The following FBLN1 variants were observed in gnomAD, a reference collection of about 807,000 sequenced individuals.
FBLN1 encodes fibulin 1.
In FBLN1, 34 loss-of-function variants were observed where a neutral mutation model predicts 89.7. The observed-to-expected ratio is 0.38, with a 90% CI of 0.29 to 0.50. The LOEUF (loss-of-function observed/expected upper bound fraction) is 0.50, where lower values mean the gene tolerates loss of function less well. Among genes scored for constraint, FBLN1 ranks in the 20% least tolerant of loss-of-function variants. The probability of loss-of-function intolerance (pLI) is 0.92; values close to 1 mark genes in which losing one functional copy is unlikely to be tolerated. For synonymous variants in FBLN1, 393 were observed against 391.3 expected (o/e 1.00, Z -0.05); for missense variants, 777 against 988.1 (o/e 0.79, Z 2.86).
intron 16 of FBLN1, among the ~76,000 whole-genome samples, chr22:45,592,913 T>C (rs1414317240): frequency 6.6e-6 from 1 of 152,222 alleles, no homozygotes; most frequent in African/African-American, 2.4e-5. Flanking sequence ...TGAGATATTG[T>C]GCAGTCTCTT....
At position 45,562,211 on chromosome 22, in the gene FBLN1, A is replaced by G. The variant is rs1224706927; in HGVS notation, c.1697+11596A>G. On this transcript the variant is annotated intron_variant, in intron 14 of 16. Transcript: ENST00000327858. The surrounding 1 kb of genome is among the most constrained non-coding windows in gnomAD (Gnocchi z 7.8). Reference sequence around the variant, plus strand: ...ACCTGTCTCTGTTTCTATCACAGGAAGTTGGGATCTGGCCCTGTGGACCCA... The same window carrying G: ...ACCTGTCTCTGTTTCTATCACAGGAGGTTGGGATCTGGCCCTGTGGACCCA... Among the ~76,000 whole-genome samples the G allele has an allele frequency of 6.6e-6, 1 of 152,148 alleles. No homozygotes were observed. Among genetic ancestry groups the G allele is most frequent in the Admixed American group, 6.5e-5 (1 of 15,274 alleles).
Position 45,502,958 on chromosome 22 carries a change from G to T in FBLN1, c.-28G>T. 1.9e-6 allele frequency: 2 copies of T among 1,064,958 alleles called. No individual in the cohort carries two copies. Among genetic ancestry groups the T allele is most frequent in the Non-Finnish European group, 2.3e-6 (2 of 870,708 alleles). The allele number at this position is 1,064,958 out of a possible 1,614,324, so 66.0% of individuals were successfully genotyped here. On this transcript the variant is annotated 5_prime_UTR_variant, in exon 1 of 17. Coordinates refer to ENST00000327858, the MANE Select transcript of FBLN1 (RefSeq NM_006486.3). ...GACCGCGCCCGCGCCTTTGTCCGCC[G>T]CCGCCCACCGCCCGTCGCCCGCCGC...
chr22:45,510,752 A>T (rs1021287014), intron 1 of FBLN1, among the ~76,000 whole-genome samples: 8 of 152,110 alleles, frequency 5.3e-5, no homozygotes, highest in African/African-American at 1.9e-4. Flanking sequence ...CCCGCAGGCC[A>T]TGTGACCTGT....
intron 1 of FBLN1, among the ~76,000 whole-genome samples, chr22:45,509,203 C>A (rs2088065614): frequency 6.6e-6 from 1 of 152,062 alleles, no homozygotes; most frequent in Non-Finnish European, 1.5e-5. Flanking sequence ...CCAGGAGGCC[C>A]TTGGAGCAGG....
At chr22:45,541,547 C>G (rs1425669802) in intron 9 of FBLN1, among the ~76,000 whole-genome samples, 175 bp downstream of exon 9, 1 of 152,224 alleles carries the variant, frequency 6.6e-6, no homozygotes, top group Non-Finnish European at 1.5e-5. Context: ...GACTGGTGCA[C>G]CAGCCCGTCT....
chr22:45,509,726 G>A (rs1039961434), intron 1 of FBLN1, among the ~76,000 whole-genome samples: 1 of 152,110 alleles, frequency 6.6e-6, no homozygotes, highest in African/African-American at 2.4e-5. Flanking sequence ...GGTGCAGGTG[G>A]GGGTTGGGTG....
intron 12 of FBLN1, among the ~76,000 whole-genome samples, 182 bp downstream of exon 12, chr22:45,547,386 GTTTTT>G (rs5845717): frequency 3.7e-5 from 2 of 53,676 alleles, no homozygotes; most frequent in African/African-American, 6.4e-5. Flanking sequence ...TCCAACTGAG[GTTTTT>G]TTTTTTTTTT....
intron 2 of FBLN1, chr22:45,523,338 G>T: frequency 1.9e-6 from 1 of 527,622 alleles, no homozygotes; most frequent in South Asian, 3.0e-5. Context: ...TTGGGGGTGA[G>T]CCTGAGGCAG....
At chr22:45,513,896 C>T (rs2088134954) in intron 1 of FBLN1, among the ~76,000 whole-genome samples, 1 of 151,976 alleles carries the variant, frequency 6.6e-6, no homozygotes, top group Non-Finnish European at 1.5e-5. Flanking sequence ...CAGGTTCAAG[C>T]GATTCTTCTG....
intron 1 of FBLN1, among the ~76,000 whole-genome samples, chr22:45,505,481 C>T (rs2088006651): frequency 6.6e-6 from 1 of 152,228 alleles, no homozygotes; most frequent in Non-Finnish European, 1.5e-5. Context: ...CTGGCTCACG[C>T]CCCGCTCCTG....
At position 45,541,224 on chromosome 22, in the gene FBLN1, T is replaced by C. The variant is rs188066706; in HGVS notation, c.923-5T>C. 6.8e-6 allele frequency: 11 copies of C among 1,614,242 alleles called. No individual in the cohort carries two copies. The highest frequency in any genetic ancestry group is 2.2e-5 in the East Asian group (1 of 44,884). On this transcript the variant is annotated splice_region_variant and splice_polypyrimidine_tract_variant and intron_variant, in intron 8 of 16. Transcript: ENST00000327858. ...CCACATGGTCTCTGTCTTTTCCCGC[T>C]GTAGATATCAATGAGTGTTTGAGTA...
chr22:45,533,595 C>T (rs1258848576), intron 6 of FBLN1, among the ~76,000 whole-genome samples, 166 bp from the exon 7 acceptor site: 2 of 152,204 alleles, frequency 1.3e-5, no homozygotes, highest in Non-Finnish European at 2.9e-5. Context: ...TCACTGCTTT[C>T]GACTCCGTGC....
intron 16 of FBLN1, among the ~76,000 whole-genome samples, chr22:45,596,019 C>CCG (rs2089182257): frequency 1.3e-5 from 2 of 152,104 alleles, no homozygotes; most frequent in Admixed American, 1.3e-4. Flanking sequence ...GCAGGCGTGT[C>CCG]CCACCACGCT....
Position 45,590,619 on chromosome 22 carries a change from T to G in FBLN1, c.1973-9688T>G, listed in dbSNP as rs906927417. ...GTGAAAAGGAAGGTGGTACACGTGT[T>G]CAGGTAGATGCGACGAGGCCGGAAC... On this transcript the variant is annotated intron_variant, in intron 16 of 16. Transcript: ENST00000327858. The surrounding 1 kb of genome is among the most constrained non-coding windows in gnomAD (Gnocchi z 4.1). 6.6e-6 allele frequency among the ~76,000 whole-genome samples: 1 copy of G among 152,086 alleles called. No individual in the cohort carries two copies. The highest frequency in any genetic ancestry group is 6.6e-5 in the Admixed American group (1 of 15,264).
intron 4 of FBLN1, among the ~76,000 whole-genome samples, chr22:45,528,346 CTT>C (rs527926411): frequency 2.6e-4 from 39 of 147,880 alleles, no homozygotes; most frequent in African/African-American, 8.6e-4. Context: ...ATGTTAATCT[CTT>C]TTTTTTTTTG....
rs2088788534 is a variant in FBLN1 at position 45,556,389 on chromosome 22, T to G, written c.1697+5774T>G. ...CTCGTAGCTGGTATTGATGACTGCC[T>G]TCTTCTACTACCCATTCTGTATTCC... On this transcript the variant is annotated intron_variant, in intron 14 of 16. Transcript: ENST00000327858. The surrounding 1 kb of genome is among the most constrained non-coding windows in gnomAD (Gnocchi z 4.6). Among the ~76,000 whole-genome samples, 2 of 151,962 alleles carry G rather than the reference T, an allele frequency of 1.3e-5. No homozygotes were observed. Among genetic ancestry groups the G allele is most frequent in the Admixed American group, 1.3e-4 (2 of 15,260 alleles).
At chr22:45,565,079 C>T in intron 14 of FBLN1, 1 of 1,599,108 alleles carries the variant, frequency 6.3e-7, no homozygotes, top group South Asian at 1.1e-5. Flanking sequence ...AGCCCTTTTC[C>T]CCACGGCCCT....
intron 1 of FBLN1, among the ~76,000 whole-genome samples, chr22:45,509,228 A>G (rs1240179101): frequency 1.3e-5 from 2 of 152,074 alleles, no homozygotes; most frequent in African/African-American, 4.8e-5. Context: ...GATGTTGCAG[A>G]AGGATGAGGA....
At chr22:45,512,261 G>A (rs1281678057) in intron 1 of FBLN1, among the ~76,000 whole-genome samples, 1 of 152,018 alleles carries the variant, frequency 6.6e-6, no homozygotes, top group Admixed American at 6.6e-5. Flanking sequence ...GCTGCCCTAG[G>A]GTTTGTGTAC....
Sources: gnomAD v4.1 joint callset for allele counts (sites outside exome capture counted in the v4.1 genomes callset) on GRCh38, gnomAD v4.1.1 for gene constraint, Gnocchi (gnomAD v3.1) non-coding constraint, MANE v1.5 for transcripts, NCBI Gene and HGNC (gene_info 2026-07-23, HGNC 2026-07-21) for gene names.